Variants in PDGFRL observed in about 807,000 individuals in gnomAD.
PDGFRL encodes platelet-derived growth factor receptor-like protein.
A neutral mutation model predicts 37.2 loss-of-function variants in PDGFRL; 46 were observed. The ratio of observed to expected loss-of-function variants is 1.24; its 90% CI spans 0.98 to 1.58. PDGFRL has a LOEUF of 1.58. PDGFRL is among the 40% of genes most tolerant of loss of function. The pLI is 0.00. For missense variants in PDGFRL, 692 were observed against 467.6 expected (o/e 1.48, Z -4.43); for synonymous variants, 251 against 184.3 (o/e 1.36, Z -2.93).
At chr8:17,636,135 A>T (rs112372260) in intron 5 of PDGFRL, among the ~76,000 whole-genome samples, 11,698 of 152,120 alleles carry the variant, frequency 0.077, 590 homozygotes, top group African/African-American at 0.13. Flanking sequence ...AGCCCGATCT[A>T]TCTTTGTTTT....
intron 1 of PDGFRL, among the ~76,000 whole-genome samples, chr8:17,582,550 G>A (rs1327809887): frequency 1.4e-5 from 2 of 141,144 alleles, no homozygotes; most frequent in African/African-American, 5.3e-5. Flanking sequence ...CCACTGTACT[G>A]CAGCCTGGTG....
chr8:17,588,635 T>TGCATTCCAG (rs1803868304), intron 1 of PDGFRL, among the ~76,000 whole-genome samples: 4 of 152,170 alleles, frequency 2.6e-5, no homozygotes, highest in Non-Finnish European at 4.4e-5. Context: ...ATCATGCCAT[T>TGCATTCCAG]GCATTCCAGC....
chr8:17,617,679 C>T (rs1804556333), intron 2 of PDGFRL, among the ~76,000 whole-genome samples: 1 of 152,192 alleles, frequency 6.6e-6, no homozygotes, highest in Non-Finnish European at 1.5e-5. Context: ...TGGAAAAATG[C>T]AGAACTGTTT....
intron 5 of PDGFRL, among the ~76,000 whole-genome samples, chr8:17,638,141 T>C (rs940172005): frequency 3.3e-5 from 5 of 152,200 alleles, no homozygotes; most frequent in African/African-American, 4.8e-5. Flanking sequence ...CCTTAGATTG[T>C]CTATTTGTGC....
rs368216182 is a variant in PDGFRL at position 17,594,004 on chromosome 8, C to G, written c.353+4239C>G. Among the ~76,000 whole-genome samples, 134 of 152,234 alleles carry G rather than the reference C, an allele frequency of 8.8e-4. 4 individuals are homozygous for G. In the South Asian group the frequency reaches 0.026, roughly 30 times the overall value. ...CCGTTTTCATCTTGCATGGCCGAAA[C>G]TATGTGCCCACTGAACCCCTCTCCT... On this transcript the variant is annotated intron_variant, in intron 2 of 5. Transcript: ENST00000251630.
intron 2 of PDGFRL, among the ~76,000 whole-genome samples, chr8:17,616,519 C>G (rs1013954765): frequency 1.3e-5 from 2 of 152,160 alleles, no homozygotes; most frequent in African/African-American, 4.8e-5. Flanking sequence ...ATGCCTTTCA[C>G]CACAGTCTTC....
intron 5 of PDGFRL, among the ~76,000 whole-genome samples, chr8:17,636,357 C>T (rs1042378909): frequency 5.3e-5 from 8 of 152,142 alleles, no homozygotes; most frequent in South Asian, 2.1e-4. Flanking sequence ...ATCCCAGCAC[C>T]ATTTGGTGAA....
intron 2 of PDGFRL, among the ~76,000 whole-genome samples, chr8:17,605,345 C>T (rs1286285958): frequency 6.6e-6 from 1 of 152,162 alleles, no homozygotes; most frequent in East Asian, 1.9e-4. Context: ...TCTTGGACCT[C>T]ATGCTTTTTT....
chr8:17,623,923 T>G (rs1273092667), intron 3 of PDGFRL, among the ~76,000 whole-genome samples: 1 of 151,362 alleles, frequency 6.6e-6, no homozygotes, highest in Non-Finnish European at 1.5e-5. Flanking sequence ...GGAACCTTTT[T>G]GTTTTTTTTT....
chr8:17,577,203 G>C (rs777510139), upstream of PDGFRL: 4 of 1,555,734 alleles, frequency 2.6e-6, no homozygotes, highest in Admixed American at 3.7e-5. Context: ...CTGCGTCCCC[G>C]CCCCGCGCAG....
intron 2 of PDGFRL, among the ~76,000 whole-genome samples, chr8:17,598,383 C>G (rs965881515): frequency 2.6e-5 from 4 of 152,216 alleles, no homozygotes; most frequent in African/African-American, 9.6e-5. Context: ...AGAATAAACC[C>G]CTTGAGGGCA....
At chr8:17,626,720 A>C (rs568919115) in intron 3 of PDGFRL, among the ~76,000 whole-genome samples, 40 of 152,286 alleles carry the variant, frequency 2.6e-4, no homozygotes, top group African/African-American at 8.9e-4. Context: ...AAAACAAAGG[A>C]TTCAATGTAC....
At chr8:17,595,511 C>A (rs1804033782) in intron 2 of PDGFRL, among the ~76,000 whole-genome samples, 1 of 152,210 alleles carries the variant, frequency 6.6e-6, no homozygotes, top group South Asian at 2.1e-4. Flanking sequence ...CTGGAGGTTT[C>A]TCAGCCTCCT....
chr8:17,626,180 C>T (rs928865065), intron 3 of PDGFRL, among the ~76,000 whole-genome samples: 1 of 152,202 alleles, frequency 6.6e-6, no homozygotes, highest in Non-Finnish European at 1.5e-5. Flanking sequence ...ATATTATCCA[C>T]TCCAGATTCT....
At chr8:17,634,053 C>G in intron 4 of PDGFRL, 21 bp from the exon 5 acceptor site, 1 of 1,613,130 alleles carries the variant, frequency 6.2e-7, no homozygotes, top group East Asian at 2.2e-5. Flanking sequence ...CTCACTCTGC[C>G]TGTTTCGTGC....
At chr8:17,596,818 C>G (rs763013900) in intron 2 of PDGFRL, among the ~76,000 whole-genome samples, 7 of 152,300 alleles carry the variant, frequency 4.6e-5, no homozygotes, top group African/African-American at 1.7e-4. Context: ...GCTATTTGCC[C>G]TCAAGGGGGC....
At chr8:17,615,087 C>T (rs1169471771) in intron 2 of PDGFRL, among the ~76,000 whole-genome samples, 1 of 152,196 alleles carries the variant, frequency 6.6e-6, no homozygotes, top group East Asian at 1.9e-4. Flanking sequence ...TTATAAGTCT[C>T]ATCATTGCCA....
At chr8:17,609,868 C>A (rs1355487256) in intron 2 of PDGFRL, among the ~76,000 whole-genome samples, 1 of 152,104 alleles carries the variant, frequency 6.6e-6, no homozygotes, top group African/African-American at 2.4e-5. Context: ...TCTGTAGTCT[C>A]TACACCAAGA....
At chr8:17,601,874 G>A (rs1025888033) in intron 2 of PDGFRL, among the ~76,000 whole-genome samples, 3 of 152,124 alleles carry the variant, frequency 2.0e-5, no homozygotes, top group African/African-American at 4.8e-5. Context: ...TACTATTGAT[G>A]GGCATCTAGG....
Sources: gnomAD v4.1 joint callset for allele counts (sites outside exome capture counted in the v4.1 genomes callset) on GRCh38, gnomAD v4.1.1 for gene constraint, MANE v1.5 for transcripts, NCBI Gene and HGNC (gene_info 2026-07-23, HGNC 2026-07-21) for gene names.